Variants in ZNF385D observed in about 807,000 individuals in gnomAD.
ZNF385D encodes zinc finger protein 385D.
Under a neutral mutation model 35.8 loss-of-function variants are expected in ZNF385D, and 15 were observed. The ratio of observed to expected loss-of-function variants is 0.42; its 90% CI spans 0.28 to 0.64. The LOEUF is 0.64. Ranked by LOEUF, ZNF385D falls within the 30% of genes least tolerant of loss-of-function variation. The pLI is 0.23. For synonymous variants in ZNF385D, 212 were observed against 186.8 expected, an observed-to-expected ratio of 1.13 and a Z score of -1.10; for missense variants, 474 against 494.6, an observed-to-expected ratio of 0.96 and a Z score of 0.39.
chr3:21,757,929 A>C (rs184296035), intron 3 of ZNF385D, among the ~76,000 whole-genome samples: 27 of 152,296 alleles, frequency 1.8e-4, no homozygotes, highest in Admixed American at 7.2e-4. Context: ...TTGAGTGAAT[A>C]AATCTATTGA....
intron 3 of ZNF385D, among the ~76,000 whole-genome samples, chr3:21,825,295 T>C (rs116210722): frequency 0.012 from 1,775 of 152,304 alleles, 36 homozygotes; most frequent in African/African-American, 0.038. Flanking sequence ...CATGTATCAC[T>C]TGTTTTCTTA....
At chr3:21,972,360 G>A (rs1191626113) in intron 3 of ZNF385D, among the ~76,000 whole-genome samples, 1 of 151,768 alleles carries the variant, frequency 6.6e-6, no homozygotes, top group African/African-American at 2.4e-5. Flanking sequence ...AAATTAAGAA[G>A]AAAATGTAAC....
intron 4 of ZNF385D, among the ~76,000 whole-genome samples, chr3:21,472,065 A>G (rs1703929384): frequency 6.6e-6 from 1 of 152,120 alleles, no homozygotes; most frequent in Non-Finnish European, 1.5e-5. Flanking sequence ...ATTTTATTTT[A>G]TGTTACGCTC....
chr3:21,683,726 C>CTT (rs937063028), intron 1 of ZNF385D, among the ~76,000 whole-genome samples: 1 of 150,140 alleles, frequency 6.7e-6, no homozygotes, highest in Non-Finnish European at 1.5e-5. Flanking sequence ...TCAATGTGCC[C>CTT]TTACTGGCCT....
At chr3:21,880,473 A>G (rs1189218933) in intron 3 of ZNF385D, among the ~76,000 whole-genome samples, 1 of 151,984 alleles carries the variant, frequency 6.6e-6, no homozygotes, top group Non-Finnish European at 1.5e-5. Flanking sequence ...GGGGCACCAT[A>G]AACTGTGCCT....
intron 2 of ZNF385D, among the ~76,000 whole-genome samples, chr3:22,241,752 A>T (rs548875370): frequency 4.0e-5 from 6 of 150,604 alleles, no homozygotes; most frequent in Admixed American, 6.6e-5. Flanking sequence ...AGAAATACCT[A>T]AAAAAAACCT....
intron 3 of ZNF385D, among the ~76,000 whole-genome samples, chr3:21,817,918 G>A (rs2073224733): frequency 6.6e-6 from 1 of 152,130 alleles, no homozygotes; most frequent in Admixed American, 6.5e-5. Flanking sequence ...GCAAAGACTT[G>A]GAACCAACCC....
intron 4 of ZNF385D, among the ~76,000 whole-genome samples, chr3:21,480,408 A>G (rs1459418947): frequency 1.3e-5 from 2 of 151,910 alleles, no homozygotes; most frequent in South Asian, 2.1e-4. Context: ...CAGCCTGAAA[A>G]TTTTTAAAAA....
chr3:21,538,796 T>C (rs1344354356), intron 3 of ZNF385D, among the ~76,000 whole-genome samples: 1 of 152,162 alleles, frequency 6.6e-6, no homozygotes, highest in Non-Finnish European at 1.5e-5. Context: ...AAGTTATTTA[T>C]GTAAACTAAA....
At chr3:22,303,657 T>A (rs985785551) in intron 2 of ZNF385D, among the ~76,000 whole-genome samples, 1 of 152,202 alleles carries the variant, frequency 6.6e-6, no homozygotes, top group Non-Finnish European at 1.5e-5. Flanking sequence ...ATCAAACCGG[T>A]GATTTGACTT....
At chr3:21,491,846 T>A (rs1481572942) in intron 4 of ZNF385D, among the ~76,000 whole-genome samples, 1 of 152,144 alleles carries the variant, frequency 6.6e-6, no homozygotes, top group Non-Finnish European at 1.5e-5. Flanking sequence ...CTTTTGACAG[T>A]GGATATTTAC....
intron 3 of ZNF385D, among the ~76,000 whole-genome samples, chr3:22,078,343 A>C (rs1378476252): frequency 6.6e-6 from 1 of 152,076 alleles, no homozygotes; most frequent in African/African-American, 2.4e-5. Context: ...TATGCTCATC[A>C]TTTGGTGATC....
intron 3 of ZNF385D, among the ~76,000 whole-genome samples, chr3:21,804,330 T>C (rs1414684007): frequency 6.6e-6 from 1 of 152,208 alleles, no homozygotes; most frequent in Admixed American, 6.5e-5. Flanking sequence ...AGGCTAAATA[T>C]ATCTCTATTT....
chr3:21,855,400 T>A (rs1696652377), intron 3 of ZNF385D, among the ~76,000 whole-genome samples: 1 of 152,038 alleles, frequency 6.6e-6, no homozygotes, highest in Non-Finnish European at 1.5e-5. Context: ...AAGTTGCATC[T>A]CTTCATGGAG....
intron 3 of ZNF385D, among the ~76,000 whole-genome samples, chr3:21,868,508 T>A (rs1391120397): frequency 6.6e-6 from 1 of 152,154 alleles, no homozygotes; most frequent in Non-Finnish European, 1.5e-5. Context: ...CTTCTTCACA[T>A]GAATCATCCT....
At chr3:21,595,221 C>G (rs79396531) in intron 2 of ZNF385D, among the ~76,000 whole-genome samples, 1 of 152,156 alleles carries the variant, frequency 6.6e-6, no homozygotes, top group African/African-American at 2.4e-5. Flanking sequence ...TGTTCAAGAT[C>G]CTATAAATGC....
At chr3:21,798,669 C>A (rs2072262318) in intron 3 of ZNF385D, among the ~76,000 whole-genome samples, 1 of 152,088 alleles carries the variant, frequency 6.6e-6, no homozygotes, top group African/African-American at 2.4e-5. Context: ...GTAATCTAAG[C>A]AGGGATGTGA....
chr3:22,080,953 G>A (rs1433918837), intron 3 of ZNF385D, among the ~76,000 whole-genome samples: 1 of 152,130 alleles, frequency 6.6e-6, no homozygotes, highest in Non-Finnish European at 1.5e-5. Flanking sequence ...GCAGAACTGT[G>A]AGGAACACAT....
intron 2 of ZNF385D, among the ~76,000 whole-genome samples, chr3:22,214,252 G>T (rs775792341): frequency 1.3e-5 from 2 of 151,994 alleles, no homozygotes; most frequent in Non-Finnish European, 2.9e-5. Flanking sequence ...CAATACCCTT[G>T]TGATTTCCTA....
Sources: allele counts gnomAD v4.1 joint callset (sites outside exome capture counted in the v4.1 genomes callset), GRCh38; gene constraint gnomAD v4.1.1; transcripts MANE v1.5; gene names NCBI Gene and HGNC (gene_info 2026-07-23, HGNC 2026-07-21).